The following SAMMSON variants were observed in gnomAD, a reference collection of about 807,000 sequenced individuals.
The protein encoded by SAMMSON is survival associated mitochondrial melanoma specific oncogenic non-coding RNA.
chr3:70,364,097 T>C (rs546418125), intron 9 of SAMMSON, among the ~76,000 whole-genome samples: 22 of 151,938 alleles, frequency 1.4e-4, no homozygotes, highest in Non-Finnish European at 3.2e-4. Context: ...ATGTACAGCA[T>C]ATATAGTTTA....
chr3:70,245,786 T>C (rs1701702537), intron 4 of SAMMSON, among the ~76,000 whole-genome samples: 1 of 147,128 alleles, frequency 6.8e-6, no homozygotes, highest in Non-Finnish European at 1.5e-5. Flanking sequence ...TCATGAAGGT[T>C]GACAATTTAA....
At chr3:70,168,999 A>G (rs1176125720) in intron 4 of SAMMSON, among the ~76,000 whole-genome samples, 1 of 151,934 alleles carries the variant, frequency 6.6e-6, no homozygotes, top group South Asian at 2.1e-4. Context: ...CCTAATAGAA[A>G]CAAGGGGAAG....
chr3:70,024,984 T>C (rs1394388425), intron 3 of SAMMSON: 1 of 152,022 alleles, frequency 6.6e-6, no homozygotes, highest in African/African-American at 2.4e-5. Context: ...CCATTCTTGG[T>C]GAAAGGGGAG....
At chr3:70,387,939 C>T (rs1700991300) in intron 9 of SAMMSON, among the ~76,000 whole-genome samples, 1 of 150,732 alleles carries the variant, frequency 6.6e-6, no homozygotes, top group South Asian at 2.1e-4. Context: ...TAATAAAATC[C>T]TGGCTTAACC....
chr3:70,101,581 G>C (rs1279259374), intron 4 of SAMMSON, among the ~76,000 whole-genome samples: 3 of 152,106 alleles, frequency 2.0e-5, no homozygotes, highest in Non-Finnish European at 2.9e-5. Context: ...TGAGAAAAAA[G>C]TACCTTCCTT....
chr3:70,149,521 G>T (rs932821729), intron 4 of SAMMSON, among the ~76,000 whole-genome samples: 1 of 152,048 alleles, frequency 6.6e-6, no homozygotes, highest in Admixed American at 6.6e-5. Context: ...AACTTGGCAG[G>T]GGGTAGCAGG....
intron 2 of SAMMSON, among the ~76,000 whole-genome samples, chr3:70,419,262 G>T (rs1701292195): frequency 1.3e-5 from 2 of 151,794 alleles, no homozygotes; most frequent in Admixed American, 1.3e-4. Flanking sequence ...CGAACTCCTG[G>T]GCTCAGGCGA....
chr3:70,127,395 A>T (rs2067463431), intron 4 of SAMMSON: 1 of 152,138 alleles, frequency 6.6e-6, no homozygotes, highest in Non-Finnish European at 1.5e-5. Flanking sequence ...TCAGAACTTA[A>T]TGAGTCCCTG....
intron 6 of SAMMSON, among the ~76,000 whole-genome samples, chr3:70,269,666 A>G (rs1701956018): frequency 6.6e-6 from 1 of 152,208 alleles, no homozygotes; most frequent in Non-Finnish European, 1.5e-5. Flanking sequence ...TTGTTTTAAC[A>G]GCAGAAAATG....
At chr3:70,144,434 C>T (rs1324890949) in intron 4 of SAMMSON, among the ~76,000 whole-genome samples, 2 of 151,990 alleles carry the variant, frequency 1.3e-5, no homozygotes, top group African/African-American at 4.8e-5. Context: ...TAAAATTCAC[C>T]CCTTCCAATG....
intron 9 of SAMMSON, among the ~76,000 whole-genome samples, chr3:70,372,643 A>T (rs1559575153): frequency 6.6e-6 from 1 of 152,108 alleles, no homozygotes; most frequent in East Asian, 1.9e-4. Context: ...CATATTCTAG[A>T]TGCTGGTACT....
At chr3:70,004,960 G>C (rs569139048) in intron 1 of SAMMSON, among the ~76,000 whole-genome samples, 1 of 152,148 alleles carries the variant, frequency 6.6e-6, no homozygotes, top group South Asian at 2.1e-4. Context: ...AAGCCCAAAG[G>C]GGGAACTGCT....
intron 3 of SAMMSON, among the ~76,000 whole-genome samples, chr3:70,052,180 T>C (rs1010513779): frequency 2.4e-5 from 3 of 123,366 alleles, no homozygotes; most frequent in African/African-American, 9.7e-5. Flanking sequence ...TAACTACTTA[T>C]TCACAAAAAA....
intron 2 of SAMMSON, among the ~76,000 whole-genome samples, chr3:70,426,007 T>C (rs1701363242): frequency 6.6e-6 from 1 of 152,154 alleles, no homozygotes; most frequent in Non-Finnish European, 1.5e-5. Flanking sequence ...TGTTGAAAAC[T>C]TAACAGAAGC....
chr3:70,383,577 C>T (rs1271312902), intron 9 of SAMMSON, among the ~76,000 whole-genome samples: 1 of 152,018 alleles, frequency 6.6e-6, no homozygotes. Context: ...TACATTCTTA[C>T]CACTCAGAAA....
chr3:70,330,448 T>C (rs1218630008), intron 7 of SAMMSON, among the ~76,000 whole-genome samples: 1 of 152,074 alleles, frequency 6.6e-6, no homozygotes, highest in Non-Finnish European at 1.5e-5. Context: ...TATTTGTCTT[T>C]ATATAATACC....
chr3:70,405,037 G>A (rs913692317), intron 2 of SAMMSON, among the ~76,000 whole-genome samples: 1 of 152,200 alleles, frequency 6.6e-6, no homozygotes, highest in African/African-American at 2.4e-5. Context: ...AAACATCAGT[G>A]AAAGAAGAAC....
intron 9 of SAMMSON, among the ~76,000 whole-genome samples, chr3:70,370,756 A>G (rs555830191): frequency 2.0e-5 from 3 of 152,098 alleles, no homozygotes; most frequent in Non-Finnish European, 4.4e-5. Flanking sequence ...ACTTTCTTTC[A>G]TTCAACAGGT....
At chr3:70,407,772 G>A (rs1559582865) in intron 2 of SAMMSON, among the ~76,000 whole-genome samples, 1 of 152,198 alleles carries the variant, frequency 6.6e-6, no homozygotes, top group Non-Finnish European at 1.5e-5. Context: ...GCAGTCTGGA[G>A]GATGGTGGCC....
Sources: allele counts gnomAD v4.1 joint callset (sites outside exome capture counted in the v4.1 genomes callset), GRCh38; gene constraint gnomAD v4.1.1; transcripts MANE v1.5; gene names NCBI Gene and HGNC (gene_info 2026-07-23, HGNC 2026-07-21).